The following PKD2L2 variants were observed in gnomAD, a reference collection of about 807,000 sequenced individuals.
PKD2L2 encodes polycystin 2 like 2, transient receptor potential cation channel.
Under a neutral mutation model 83.9 loss-of-function variants are expected in PKD2L2, and 67 were observed. The observed-to-expected ratio is 0.80, with a 90% CI of 0.66 to 0.98. PKD2L2 has a LOEUF of 0.98. PKD2L2 is among the 50% of genes least tolerant of loss of function. The pLI is 0.00. For synonymous variants in PKD2L2, 223 were observed against 237.8 expected, an observed-to-expected ratio of 0.94 and a Z score of 0.57; for missense variants, 632 against 717.2, an observed-to-expected ratio of 0.88 and a Z score of 1.36.
chr5:137,889,599 C>A, intron 1 of PKD2L2, 77 bp downstream of exon 1: 2 of 1,318,320 alleles, frequency 1.5e-6, no homozygotes, highest in Non-Finnish European at 2.0e-6. Context: ...AACTCTGCGG[C>A]CCCAAATTCG....
intron 14 of PKD2L2, chr5:137,940,465 C>T: frequency 1.9e-5 from 11 of 579,756 alleles, no homozygotes; most frequent in Admixed American, 3.6e-5. Context: ...AAAAGTTGTT[C>T]TGTTAAAAAA....
chr5:137,922,660 C>A (rs1385299779), intron 9 of PKD2L2, among the ~76,000 whole-genome samples: 2 of 152,002 alleles, frequency 1.3e-5, no homozygotes, highest in East Asian at 3.9e-4. Flanking sequence ...ATCGCTTGAA[C>A]CTGGGAGTGG....
intron 12 of PKD2L2, among the ~76,000 whole-genome samples, chr5:137,931,204 T>G (rs1759846817): frequency 6.6e-6 from 1 of 152,110 alleles, no homozygotes; most frequent in South Asian, 2.1e-4. Context: ...AGAAATGAAG[T>G]CATCAAAGAG....
intron 7 of PKD2L2, 142 bp downstream of exon 7, chr5:137,908,054 C>T: frequency 2.4e-6 from 1 of 415,244 alleles, no homozygotes; most frequent in Non-Finnish European, 4.2e-6. Flanking sequence ...GTGGCTCATA[C>T]CTGTACTCCT....
intron 14 of PKD2L2, chr5:137,940,382 A>G: frequency 6.6e-7 from 1 of 1,511,676 alleles, no homozygotes; most frequent in Non-Finnish European, 9.0e-7. Flanking sequence ...AATGTTCTAG[A>G]GATCATTTGG....
intron 12 of PKD2L2, among the ~76,000 whole-genome samples, chr5:137,930,235 G>A: frequency 6.6e-6 from 1 of 151,988 alleles, no homozygotes; most frequent in African/African-American, 2.4e-5. Flanking sequence ...GGGCCACAAG[G>A]AAATCCTCAA....
At chr5:137,919,378 G>T (rs1758682197) in intron 8 of PKD2L2, among the ~76,000 whole-genome samples, 1 of 152,164 alleles carries the variant, frequency 6.6e-6, no homozygotes, top group African/African-American at 2.4e-5. Context: ...TTCAGTAAAT[G>T]CTTCAGTTTT....
At chr5:137,925,815 T>C (rs2080029957) in intron 11 of PKD2L2, 60 bp from the exon 12 acceptor site, 1 of 943,550 alleles carries the variant, frequency 1.1e-6, no homozygotes, top group Non-Finnish European at 1.7e-6. Context: ...TTGTACTTTA[T>C]GGTGGCATTT....
chr5:137,931,104 CTGAA>C (rs1273989866), intron 12 of PKD2L2, among the ~76,000 whole-genome samples: 1 of 152,034 alleles, frequency 6.6e-6, no homozygotes, highest in African/African-American at 2.4e-5. Context: ...ATTTGAAAAA[CTGAA>C]TGAAATGGGC....
At chr5:137,894,098 T>C (rs1014344287) in intron 3 of PKD2L2, among the ~76,000 whole-genome samples, 2 of 152,178 alleles carry the variant, frequency 1.3e-5, no homozygotes, top group Non-Finnish European at 2.9e-5. Flanking sequence ...TTTACTCATA[T>C]AAGGAGAGAA....
At chr5:137,912,693 G>T (rs545669398) in intron 8 of PKD2L2, among the ~76,000 whole-genome samples, 4 of 151,302 alleles carry the variant, frequency 2.6e-5, no homozygotes, top group Non-Finnish European at 5.9e-5. Flanking sequence ...GATGATTAGT[G>T]ATGTTGACCA....
At chr5:137,897,898 G>T (rs1329774817) in intron 4 of PKD2L2, among the ~76,000 whole-genome samples, 1 of 151,346 alleles carries the variant, frequency 6.6e-6, no homozygotes, top group Non-Finnish European at 1.5e-5. Context: ...ACTGAAATGA[G>T]GAATCAAAGC....
chr5:137,936,509 G>A, intron 14 of PKD2L2, 82 bp downstream of exon 14: 1 of 1,173,606 alleles, frequency 8.5e-7, no homozygotes, highest in Non-Finnish European at 1.2e-6. Context: ...AGGCTGGAGT[G>A]CAGTGGCGTG....
chr5:137,936,863 G>A (rs1184548934), intron 14 of PKD2L2, among the ~76,000 whole-genome samples: 1 of 152,234 alleles, frequency 6.6e-6, no homozygotes, highest in Non-Finnish European at 1.5e-5. Context: ...GGGTCAGAAT[G>A]AAGTGCCTCT....
chr5:137,891,485 A>G (rs1580879811), intron 2 of PKD2L2, among the ~76,000 whole-genome samples: 1 of 151,962 alleles, frequency 6.6e-6, no homozygotes, highest in East Asian at 1.9e-4. Flanking sequence ...AAAAAAAAAG[A>G]TAACTGTAGG....
At chr5:137,928,849 C>A (rs1759601769) in intron 12 of PKD2L2, among the ~76,000 whole-genome samples, 1 of 152,214 alleles carries the variant, frequency 6.6e-6, no homozygotes, top group Non-Finnish European at 1.5e-5. Flanking sequence ...GGATTACAGG[C>A]ATGAGCGAGC....
intron 12 of PKD2L2, among the ~76,000 whole-genome samples, chr5:137,927,903 G>A (rs932415847): frequency 2.1e-4 from 32 of 152,018 alleles, no homozygotes; most frequent in African/African-American, 7.7e-4. Flanking sequence ...GGTGGCTCAC[G>A]CCTGTAATCC....
chr5:137,919,182 CTCTA>C (rs570065075), intron 8 of PKD2L2, among the ~76,000 whole-genome samples: 2 of 152,136 alleles, frequency 1.3e-5, no homozygotes, highest in East Asian at 1.9e-4. Context: ...TAAGGGAGAA[CTCTA>C]TCTAAAGTTA....
intron 5 of PKD2L2, among the ~76,000 whole-genome samples, chr5:137,904,657 A>C (rs1757223754): frequency 6.6e-6 from 1 of 152,230 alleles, no homozygotes; most frequent in African/African-American, 2.4e-5. Context: ...AAAAACTGTC[A>C]GGAAGTACGC....
Sources: allele counts gnomAD v4.1 joint callset (sites outside exome capture counted in the v4.1 genomes callset), GRCh38; gene constraint gnomAD v4.1.1; transcripts MANE v1.5; gene names NCBI Gene and HGNC (gene_info 2026-07-23, HGNC 2026-07-21).